Variants in GABPB2 observed in about 807,000 individuals in gnomAD.
The protein encoded by GABPB2 is GA binding protein transcription factor subunit beta 2, also known as GA-binding protein subunit beta-2.
In GABPB2, 23 loss-of-function variants were observed where a neutral mutation model predicts 39.1. The ratio of observed to expected loss-of-function variants is 0.59; its 90% CI spans 0.42 to 0.83. The LOEUF (loss-of-function observed/expected upper bound fraction) is 0.83. GABPB2 is among the 40% of genes least tolerant of loss of function. The pLI, the probability that GABPB2 is intolerant of heterozygous loss-of-function variation, is 0.00. For synonymous variants in GABPB2, 184 were observed against 199.3 expected (o/e 0.92, Z 0.65); for missense variants, 467 against 541.1 (o/e 0.86, Z 1.36).
chr1:151,097,738 C>T lies in GABPB2; in HGVS notation c.472-114C>T. 3 of 978,942 alleles carry T rather than the reference C, an allele frequency of 3.1e-6. No individual in the cohort carries two copies. In the South Asian group the frequency reaches 4.9e-5, roughly 16 times the overall value. 60.6% of individuals were successfully genotyped at this position (978,942 alleles called of 1,614,324 possible). On this transcript the variant is annotated intron_variant, in intron 4 of 8. Coordinates refer to ENST00000368918, the MANE Select transcript of GABPB2 (RefSeq NM_144618.3). ...AGGTTGCAATGAGCCAAGATCGTGC[C>T]ACTGCACTCCAGCCTGGGTGGCAGA...
chr1:151,105,936 G>A (rs587697768), intron 6 of GABPB2, among the ~76,000 whole-genome samples: 1 of 151,658 alleles, frequency 6.6e-6, no homozygotes, highest in Admixed American at 6.6e-5. Context: ...TTATAGAAAT[G>A]ATCTACTGTA....
intron 1 of GABPB2, among the ~76,000 whole-genome samples, chr1:151,083,902 G>A (rs6692296): frequency 0.011 from 1,627 of 149,836 alleles, 43 homozygotes; most frequent in African/African-American, 0.038. Flanking sequence ...CACCATGCCC[G>A]GCTAATTTTT....
intron 4 of GABPB2, 58 bp downstream of exon 4, chr1:151,093,444 G>T (rs976807804): frequency 2.9e-6 from 4 of 1,376,246 alleles, no homozygotes; most frequent in Non-Finnish European, 2.9e-6. Flanking sequence ...GGATTTTTTT[G>T]TAGGAGCTGA....
intron 6 of GABPB2, among the ~76,000 whole-genome samples, chr1:151,104,559 A>G (rs1679782545): frequency 6.6e-6 from 1 of 152,200 alleles, no homozygotes; most frequent in Non-Finnish European, 1.5e-5. Context: ...GATCTTGGAT[A>G]AATCACTTCT....
At position 151,118,449 on chromosome 1, in the gene GABPB2, C is replaced by A; in HGVS notation, c.*193C>A. ...AAGCCATATTTAGGGAACATTTTTT[C>A]TGAGGGGCCAAAAGAATAAAGGACC... On this transcript the variant is annotated 3_prime_UTR_variant, in exon 9 of 9. Transcript: ENST00000368918. 2.0e-6 allele frequency: 1 copy of A among 512,804 alleles called. No homozygotes were observed. The allele number at this position is 512,804 out of a possible 1,614,324, so 31.8% of individuals were successfully genotyped here. A position where few individuals can be genotyped will look rare whatever the true frequency, so the allele number is the denominator to read the frequency against.
chr1:151,124,116 GA>G lies in GABPB2; in HGVS notation c.*5867del, dbSNP rs1681289700. 7.6e-6 allele frequency: 1 copy of G among 132,248 alleles called. No individual in the cohort carries two copies. Among genetic ancestry groups the G allele is most frequent in the South Asian group, 2.5e-4 (1 of 3,978 alleles). The allele number at this position is 132,248 out of a possible 1,614,324, so 8.2% of individuals were successfully genotyped here. On this transcript the variant is annotated 3_prime_UTR_variant, in exon 9 of 9. Transcript: ENST00000368918. Reference sequence around the variant, plus strand: ...AAAAAAAAAAAAAAGAAAGAAAAAGGAAAAAAAGAAATATCAGTTTGAGAAA... The same window carrying G: ...AAAAAAAAAAAAAAGAAAGAAAAAGGAAAAAAGAAATATCAGTTTGAGAAA...
chr1:151,077,006 G>A (rs975475915), intron 1 of GABPB2, among the ~76,000 whole-genome samples: 16 of 151,334 alleles, frequency 1.1e-4, no homozygotes, highest in African/African-American at 3.4e-4. Flanking sequence ...TGTTAGCCAG[G>A]ATGGTCTCAA....
intron 4 of GABPB2, 133 bp downstream of exon 4, chr1:151,093,519 CAG>C: frequency 3.4e-6 from 2 of 591,302 alleles, no homozygotes; most frequent in South Asian, 5.3e-5. Context: ...TCTTGTGACT[CAG>C]TGTCATTAGT....
At chr1:151,117,830 T>G in intron 8 of GABPB2, 127 bp from the exon 9 acceptor site, 2 of 920,720 alleles carry the variant, frequency 2.2e-6, no homozygotes, top group Non-Finnish European at 3.4e-6. Context: ...ATAATCTGCC[T>G]ACCTCTGCCT....
intron 1 of GABPB2, among the ~76,000 whole-genome samples, chr1:151,085,989 T>C (rs1678156503): frequency 6.6e-6 from 1 of 152,188 alleles, no homozygotes; most frequent in Non-Finnish European, 1.5e-5. Context: ...CTCACGCCTG[T>C]AATCCCAACA....
rs927325727 is a variant in GABPB2, at chr1:151,106,902, G to A, written c.737-135G>A. On this transcript the variant is annotated intron_variant, in intron 6 of 8. Transcript: ENST00000368918. ...CTTAGCATTGTTCACAAAACCTTTT[G>A]CGAACTGTTGAATCTCACTTTTTTT... The A allele has an allele frequency of 7.4e-6, 4 of 538,064 alleles. No homozygotes were observed. The African/African-American group carries it at 7.8e-5, about 10-fold the overall frequency. The allele number at this position is 538,064 out of a possible 1,614,324, so 33.3% of individuals were successfully genotyped here.
At chr1:151,088,816 A>G (rs376450961) in intron 2 of GABPB2, among the ~76,000 whole-genome samples, 1 of 152,178 alleles carries the variant, frequency 6.6e-6, no homozygotes, top group African/African-American at 2.4e-5. Flanking sequence ...GCCTGCTAAC[A>G]TGGTGAAACC....
At chr1:151,098,574 A>G (rs969541770) in intron 5 of GABPB2, among the ~76,000 whole-genome samples, 3 of 152,138 alleles carry the variant, frequency 2.0e-5, no homozygotes, top group Non-Finnish European at 4.4e-5. Flanking sequence ...AAAAATGAAA[A>G]TATGAAGGTG....
Position 151,105,936 on chromosome 1 carries a change from G to T in GABPB2, c.737-1101G>T, listed in dbSNP as rs587697768. On this transcript the variant is annotated intron_variant, in intron 6 of 8. Coordinates refer to ENST00000368918, the MANE Select transcript of GABPB2 (RefSeq NM_144618.3). ...AATATCCCTGTTTTCTTATAGAAATGATCTACTGTAATTTATGGTTATTTT... is the reference window on the plus strand; with the variant it reads ...AATATCCCTGTTTTCTTATAGAAATTATCTACTGTAATTTATGGTTATTTT... Among the ~76,000 whole-genome samples, 6 of 151,768 alleles carry T rather than the reference G, an allele frequency of 4.0e-5. No individual in the cohort carries two copies. In the South Asian group the frequency reaches 8.3e-4, roughly 21 times the overall value.
intron 1 of GABPB2, among the ~76,000 whole-genome samples, chr1:151,073,895 G>A (rs1338311017): frequency 6.6e-6 from 1 of 151,704 alleles, no homozygotes; most frequent in African/African-American, 2.4e-5. Context: ...ACTCCAGCCT[G>A]GTGACAGAGC....
chr1:151,109,830 T>G (rs1558156878), intron 7 of GABPB2, among the ~76,000 whole-genome samples: 2 of 151,070 alleles, frequency 1.3e-5, no homozygotes, highest in African/African-American at 4.9e-5. Context: ...CCACCACACC[T>G]GGCTAATTTT....
chr1:151,104,813 TC>T (rs68064773), intron 6 of GABPB2, among the ~76,000 whole-genome samples: 9 of 41,244 alleles, frequency 2.2e-4, no homozygotes, highest in African/African-American at 4.2e-4. Context: ...TTTCTTTCTT[TC>T]CTTTCTTTCT....
intron 7 of GABPB2, among the ~76,000 whole-genome samples, chr1:151,116,804 TTTGCCATG>T (rs1350372685): frequency 6.6e-6 from 1 of 152,038 alleles, no homozygotes; most frequent in Non-Finnish European, 1.5e-5. Context: ...GGAGACAGTG[TTTGCCATG>T]TTGCCCAAGC....
intron 4 of GABPB2, among the ~76,000 whole-genome samples, chr1:151,095,912 A>G (rs1330375877): frequency 6.6e-6 from 1 of 151,944 alleles, no homozygotes; most frequent in African/African-American, 2.4e-5. Context: ...GGGTGCCTGT[A>G]ATCCCAGCTA....
Sources: gnomAD v4.1 joint callset for allele counts (sites outside exome capture counted in the v4.1 genomes callset) on GRCh38, gnomAD v4.1.1 for gene constraint, MANE v1.5 for transcripts, NCBI Gene and HGNC (gene_info 2026-07-23, HGNC 2026-07-21) for gene names.